The following FCRLB variants were observed in gnomAD, a reference collection of about 807,000 sequenced individuals.
FCRLB encodes the protein Fc receptor like B.
A neutral mutation model predicts 33.6 loss-of-function variants in FCRLB; 34 were observed. The observed-to-expected ratio is 1.01, with a 90% CI of 0.77 to 1.35. FCRLB has a LOEUF of 1.35. Ranked by LOEUF, FCRLB falls within the 40% of genes most tolerant of loss-of-function variation. The pLI is 0.00. For synonymous variants in FCRLB, 280 were observed against 255.9 expected (o/e 1.09, Z -0.90); for missense variants, 560 against 580.2 (o/e 0.97, Z 0.36).
intron 3 of FCRLB, 126 bp from the exon 4 acceptor site, chr1:161,722,863 A>C: frequency 6.6e-7 from 1 of 1,505,720 alleles, no homozygotes; most frequent in Non-Finnish European, 9.1e-7. Context: ...AGAGCTTGGG[A>C]AACCAGGGGC....
rs771686890 is a variant in FCRLB at position 161,726,102 on chromosome 1, G to A, written c.574+15G>A. On this transcript the variant is annotated intron_variant, in intron 6 of 7. Coordinates refer to ENST00000367948, the Ensembl canonical transcript of FCRLB. This position sits in a 1 kb window ranked among gnomAD's most constrained non-coding sequence, Gnocchi z 5.2. ...GACAGTGCAAGGTGGGAGAGACCAG[G>A]GGCCCCGGGAGGGAGGCAAATGAGC... is the stretch of plus-strand genomic sequence containing the variant. The A allele has an allele frequency of 1.9e-6, 3 of 1,605,646 alleles. No homozygotes were observed. The highest frequency in any genetic ancestry group is 1.7e-4 in the Middle Eastern group (1 of 6,036).
intron 3 of FCRLB, 36 bp from the exon 4 acceptor site, chr1:161,722,953 C>T: frequency 6.2e-7 from 1 of 1,610,552 alleles, no homozygotes; most frequent in Non-Finnish European, 8.5e-7. Flanking sequence ...CCAATATTCT[C>T]CTTCTCCTTC....
At chr1:161,727,604 C>T (rs1683644608) in exon 8 of FCRLB, 2 of 1,613,896 alleles carry the variant, frequency 1.2e-6, no homozygotes, top group South Asian at 1.1e-5. Flanking sequence ...CCCGAGACCC[C>T]CACCTCTCAC....
Position 161,726,886 on chromosome 1 carries a change from C to T in FCRLB, c.758C>T (p.Thr253Ile). ...CGCTTCGACTGGGGCGCCGAGTACA[C>T]AGTCCCGGAGCCCGAGGTCGAGGAG... The change falls in exon 7 of 8, where the codon ACA becomes ATA. Residue 253 changes from threonine (T) to isoleucine (I), a missense_variant. Thr to Ile is a moderately conservative substitution (Grantham distance 89, BLOSUM62 -1). Transcript: ENST00000367948. The surrounding 1 kb of genome is among the most constrained non-coding windows in gnomAD (Gnocchi z 5.2). 6.3e-7 allele frequency: 1 copy of T among 1,587,540 alleles called. No homozygotes were observed. The highest frequency in any genetic ancestry group is 8.6e-7 in the Non-Finnish European group (1 of 1,166,554).
rs767690543 is a variant in FCRLB at position 161,726,222 on chromosome 1, T to C, written c.574+135T>C. On this transcript the variant is annotated intron_variant, in intron 6 of 7. Coordinates refer to ENST00000367948, the Ensembl canonical transcript of FCRLB. The surrounding 1 kb of genome is among the most constrained non-coding windows in gnomAD (Gnocchi z 5.2). ...AGGGTTTCTCTTAGACTATGGACGC[T>C]GTCTCCTCTCCTTTGCCGTGAAGCA... 10 of 1,397,944 alleles carry C rather than the reference T, an allele frequency of 7.2e-6. No individual in the cohort carries two copies. In the South Asian group the frequency reaches 9.5e-5, roughly 13 times the overall value. The allele number at this position is 1,397,944 out of a possible 1,614,324, so 86.6% of individuals were successfully genotyped here.
chr1:161,727,344 G>A, exon 8 of FCRLB: 1 of 1,613,762 alleles, frequency 6.2e-7, no homozygotes, highest in African/African-American at 1.3e-5. Flanking sequence ...AGCCCCCGGT[G>A]TCCAGATCGG....
intron 7 of FCRLB, 58 bp downstream of exon 7, chr1:161,727,051 T>G: frequency 2.8e-6 from 4 of 1,429,058 alleles, no homozygotes; most frequent in Non-Finnish European, 3.7e-6. Context: ...TGCTTCCGCC[T>G]CTCGGCACCC....
chr1:161,726,729 G>T lies in FCRLB; in HGVS notation c.601G>T (p.Val201Leu). 1 of 1,597,186 alleles carries T rather than the reference G, an allele frequency of 6.3e-7. No individual in the cohort carries two copies. The highest frequency in any genetic ancestry group is 8.5e-7 in the Non-Finnish European group (1 of 1,175,864). ...GCTGTTCCGGGCGCCGGTGCTGAGGGTGATGGGTCCGCGGGAGGCCCGCGG... is the reference window on the plus strand; with the variant it reads ...GCTGTTCCGGGCGCCGGTGCTGAGGTTGATGGGTCCGCGGGAGGCCCGCGG... Residue 201 changes from valine to leucine, a missense_variant, in exon 7 of 8, where the codon GTG (valine) becomes TTG (leucine). Transcript: ENST00000367948. This position sits in a 1 kb window ranked among gnomAD's most constrained non-coding sequence, Gnocchi z 5.2.
intron 3 of FCRLB, 78 bp from the exon 4 acceptor site, chr1:161,722,911 T>C: frequency 6.3e-7 from 1 of 1,598,110 alleles, no homozygotes; most frequent in South Asian, 1.1e-5. Flanking sequence ...ATTCAGCCTT[T>C]CTTGTCGTCA....
chr1:161,728,067 C>T (rs531619432), exon 8 of FCRLB: 157 of 168,752 alleles, frequency 9.3e-4, no homozygotes, highest in Non-Finnish European at 1.7e-3. Flanking sequence ...AATGAATTTA[C>T]TCTGTTGATA....
At chr1:161,725,767 T>C in intron 5 of FCRLB, 54 bp from the exon 6 acceptor site, 1 of 1,535,914 alleles carries the variant, frequency 6.5e-7, no homozygotes, top group Non-Finnish European at 8.8e-7. Context: ...GAGTGGGAGA[T>C]CTCCAGGGCT....
At chr1:161,722,870 G>A (rs1683416821) in intron 3 of FCRLB, 119 bp from the exon 4 acceptor site, 1 of 1,510,846 alleles carries the variant, frequency 6.6e-7, no homozygotes, top group African/African-American at 1.4e-5. Flanking sequence ...GGGAAACCAG[G>A]GGCAGAAGAA....
exon 8 of FCRLB, chr1:161,727,557 A>G: frequency 6.2e-7 from 1 of 1,614,146 alleles, no homozygotes; most frequent in Non-Finnish European, 8.5e-7. Context: ...TCCTGGAATT[A>G]AAGGAGCCAC....
chr1:161,726,994 G>A lies in FCRLB; in HGVS notation c.865+1G>A. 1 of 1,509,966 alleles carries A rather than the reference G, an allele frequency of 6.6e-7. No homozygotes were observed. The highest frequency in any genetic ancestry group is 8.9e-7 in the Non-Finnish European group (1 of 1,129,560). 93.5% of individuals were successfully genotyped at this position (1,509,966 alleles called of 1,614,324 possible). A position where few individuals can be genotyped will look rare whatever the true frequency, so the allele number is the denominator to read the frequency against. On this transcript the variant is annotated splice_donor_variant, in intron 7 of 7. Transcript: ENST00000367948. LOFTEE classifies it high-confidence loss of function. This position sits in a 1 kb window ranked among gnomAD's most constrained non-coding sequence, Gnocchi z 5.2. ...CCGTGGCTGCAGCTCCCGGGGCCGGGTGAGTGCCTGCACACCCTCCCGGAC... is the reference window on the plus strand; with the variant it reads ...CCGTGGCTGCAGCTCCCGGGGCCGGATGAGTGCCTGCACACCCTCCCGGAC...
rs375372824 is a variant in FCRLB, at chr1:161,726,599, C to T, written c.575-104C>T. 9 of 1,472,370 alleles carry T rather than the reference C, an allele frequency of 6.1e-6. No individual in the cohort carries two copies. Among genetic ancestry groups the T allele is most frequent in the Middle Eastern group, 1.7e-4 (1 of 5,908 alleles). The allele number at this position is 1,472,370 out of a possible 1,614,324, so 91.2% of individuals were successfully genotyped here. ...TGGACACACGGCCTCCTCCCCTCCC[C>T]CCTTGGTCTGTGGGTCTGCAAGGAG... On this transcript the variant is annotated intron_variant, in intron 6 of 7. Transcript: ENST00000367948. This position sits in a 1 kb window ranked among gnomAD's most constrained non-coding sequence, Gnocchi z 5.2.
chr1:161,727,853 G>C (rs190184772), exon 8 of FCRLB: 9 of 628,020 alleles, frequency 1.4e-5, no homozygotes, highest in Admixed American at 3.1e-5. Flanking sequence ...CATTCTCTTT[G>C]AATTCTCACA....
chr1:161,726,320 G>A lies in FCRLB; in HGVS notation c.574+233G>A. 1 of 813,704 alleles carries A rather than the reference G, an allele frequency of 1.2e-6. No homozygotes were observed. The highest frequency in any genetic ancestry group is 2.0e-6 in the Non-Finnish European group (1 of 488,274). 50.4% of individuals were successfully genotyped at this position (813,704 alleles called of 1,614,324 possible). Reference sequence around the variant, plus strand: ...ACATCCTGGCTTCTCACTCTGGCTGGGGACTCCCACAGAGAGGGCAGCTCT... The same window carrying A: ...ACATCCTGGCTTCTCACTCTGGCTGAGGACTCCCACAGAGAGGGCAGCTCT... On this transcript the variant is annotated intron_variant, in intron 6 of 7. Coordinates refer to ENST00000367948, the Ensembl canonical transcript of FCRLB. The surrounding 1 kb of genome is among the most constrained non-coding windows in gnomAD (Gnocchi z 5.2).
chr1:161,725,801 G>A lies in FCRLB; in HGVS notation c.308-20G>A. The A allele has an allele frequency of 6.3e-7, 1 of 1,586,306 alleles. No individual in the cohort carries two copies. Among genetic ancestry groups the A allele is most frequent in the Non-Finnish European group, 8.6e-7 (1 of 1,163,014 alleles). On this transcript the variant is annotated intron_variant, in intron 5 of 7. Coordinates refer to ENST00000367948, the Ensembl canonical transcript of FCRLB. ...CTGGACTTTCTGTGGAGTCAAGCGTGTCTGTGGTGTCTGTCGCAGATTGGC... is the reference window on the plus strand; with the variant it reads ...CTGGACTTTCTGTGGAGTCAAGCGTATCTGTGGTGTCTGTCGCAGATTGGC...
At chr1:161,727,193 A>G (rs1391687711) in intron 7 of FCRLB, 54 bp from the exon 8 acceptor site, 2 of 1,162,418 alleles carry the variant, frequency 1.7e-6, no homozygotes, top group Non-Finnish European at 2.3e-6. Flanking sequence ...CCCCCAGCCC[A>G]GCGCCGAGAA....
Sources: allele counts gnomAD v4.1 joint callset, GRCh38; gene constraint gnomAD v4.1.1; non-coding constraint Gnocchi (gnomAD v3.1); transcripts MANE v1.5; gene names NCBI Gene and HGNC (gene_info 2026-07-23, HGNC 2026-07-21).